Variants in SUPT3H observed in about 807,000 individuals in gnomAD.
The protein encoded by SUPT3H is SPT3 homolog, SAGA and STAGA complex component.
A neutral mutation model predicts 44.3 loss-of-function variants in SUPT3H; 44 were observed. The ratio of observed to expected loss-of-function variants is 0.99; its 90% CI spans 0.78 to 1.28. The LOEUF (loss-of-function observed/expected upper bound fraction) is 1.28, where lower values mean the gene tolerates loss of function less well. Ranked by LOEUF, SUPT3H falls within the 50% of genes most tolerant of loss-of-function variation. The pLI is 0.00. For synonymous variants in SUPT3H, 124 were observed against 125.6 expected (o/e 0.99, Z 0.09); for missense variants, 380 against 387.1 (o/e 0.98, Z 0.15).
intron 3 of SUPT3H, among the ~76,000 whole-genome samples, chr6:45,073,905 T>C (rs1227774955): frequency 6.6e-6 from 1 of 151,988 alleles, no homozygotes; most frequent in Non-Finnish European, 1.5e-5. Flanking sequence ...TGAGTATTTC[T>C]ATGGAAGAGA....
intron 10 of SUPT3H, among the ~76,000 whole-genome samples, chr6:44,853,979 A>T (rs760133383): frequency 1.4e-3 from 198 of 138,888 alleles, no homozygotes; most frequent in Non-Finnish European, 2.4e-3. Context: ...GCCTTTAGCT[A>T]AAAAAAAAAA....
At chr6:45,216,007 A>G (rs1275158465) in intron 2 of SUPT3H, among the ~76,000 whole-genome samples, 1 of 152,162 alleles carries the variant, frequency 6.6e-6, no homozygotes, top group African/African-American at 2.4e-5. Context: ...CAGAGAGACT[A>G]AGATGATACA....
chr6:45,318,848 CATTT>C (rs1394185751), intron 2 of SUPT3H, among the ~76,000 whole-genome samples: 1 of 151,882 alleles, frequency 6.6e-6, no homozygotes, highest in African/African-American at 2.4e-5. Flanking sequence ...CTATATTAAC[CATTT>C]ATTATTAGTC....
intron 2 of SUPT3H, among the ~76,000 whole-genome samples, chr6:45,147,099 A>AC (rs1445466159): frequency 3.9e-5 from 6 of 152,132 alleles, no homozygotes; most frequent in African/African-American, 1.4e-4. Context: ...TTTACCAGGT[A>AC]AAGAAACTGA....
intron 9 of SUPT3H, among the ~76,000 whole-genome samples, chr6:44,937,521 A>G (rs994193488): frequency 6.6e-6 from 1 of 151,884 alleles, no homozygotes; most frequent in Non-Finnish European, 1.5e-5. Flanking sequence ...TGTTTTCAAT[A>G]GAAGTTGTAC....
At chr6:45,288,597 GTGTATATATATATATGTA>G (rs1779762411) in intron 2 of SUPT3H, among the ~76,000 whole-genome samples, 491 of 31,278 alleles carry the variant, frequency 0.016, 5 homozygotes, top group African/African-American at 0.039. Flanking sequence ...ATATATATAT[GTGTATATATATATATGTA>G]TATATATATA....
At chr6:45,324,858 A>G (rs1019887250) in intron 2 of SUPT3H, among the ~76,000 whole-genome samples, 4 of 152,034 alleles carry the variant, frequency 2.6e-5, no homozygotes, top group South Asian at 2.1e-4. Flanking sequence ...TACATACGCA[A>G]TAAGACAAAT....
At chr6:44,838,275 A>G (rs1483834708) in intron 10 of SUPT3H, among the ~76,000 whole-genome samples, 1 of 152,240 alleles carries the variant, frequency 6.6e-6, no homozygotes, top group Non-Finnish European at 1.5e-5. Context: ...AAAAACACAG[A>G]GTACAAGGTA....
chr6:44,935,196 T>A (rs534983494), intron 9 of SUPT3H, among the ~76,000 whole-genome samples: 1 of 152,096 alleles, frequency 6.6e-6, no homozygotes, highest in South Asian at 2.1e-4. Flanking sequence ...ACAAATATCT[T>A]CACATTCTCT....
chr6:45,204,118 A>G (rs1361902866), intron 2 of SUPT3H, among the ~76,000 whole-genome samples: 4 of 151,846 alleles, frequency 2.6e-5, no homozygotes, highest in Non-Finnish European at 5.9e-5. Flanking sequence ...GTGGTGGTGC[A>G]TGCCTATAGT....
At chr6:45,353,779 A>AT (rs905912159) in intron 2 of SUPT3H, among the ~76,000 whole-genome samples, 28 of 148,480 alleles carry the variant, frequency 1.9e-4, no homozygotes, top group East Asian at 7.9e-4. Flanking sequence ...ATGAAAACTC[A>AT]TTTTTTTTTT....
At chr6:44,840,229 A>G (rs1339834134) in intron 10 of SUPT3H, among the ~76,000 whole-genome samples, 1 of 152,216 alleles carries the variant, frequency 6.6e-6, no homozygotes, top group African/African-American at 2.4e-5. Flanking sequence ...TATAGCCTCA[A>G]TGTATAATCT....
intron 6 of SUPT3H, among the ~76,000 whole-genome samples, chr6:44,967,561 T>C (rs1202631624): frequency 6.6e-6 from 1 of 152,238 alleles, no homozygotes; most frequent in Non-Finnish European, 1.5e-5. Context: ...TTGCCCTGTC[T>C]ATACCACTTT....
At chr6:45,175,438 TG>T (rs1297306491) in intron 2 of SUPT3H, among the ~76,000 whole-genome samples, 1 of 152,132 alleles carries the variant, frequency 6.6e-6, no homozygotes, top group Non-Finnish European at 1.5e-5. Context: ...GAGAACAGCA[TG>T]GGGGAAACTG....
chr6:45,311,070 T>C (rs1449744667), intron 2 of SUPT3H, among the ~76,000 whole-genome samples: 2 of 152,170 alleles, frequency 1.3e-5, no homozygotes, highest in African/African-American at 4.8e-5. Flanking sequence ...ACAAAATAGA[T>C]AGCATAAAGA....
intron 2 of SUPT3H, among the ~76,000 whole-genome samples, chr6:45,354,558 T>A (rs1021270009): frequency 9.2e-5 from 14 of 152,062 alleles, no homozygotes; most frequent in African/African-American, 3.4e-4. Flanking sequence ...TTTCCTTGGA[T>A]AATAAGGGGC....
chr6:44,961,785 G>A lies in SUPT3H; in HGVS notation c.548C>T (p.Ala183Val). The A allele has an allele frequency of 6.2e-7, 1 of 1,605,310 alleles. No individual in the cohort carries two copies. The highest frequency in any genetic ancestry group is 8.5e-7 in the Non-Finnish European group (1 of 1,177,780). ...TAATTGTCGACTTTCACAGAATTCT[G>A]CATATTGAGCTGAATCCATAATTCG... ...QTRIMDSAQY[A>V]EFCESRQLSF... Residue 183 changes from alanine (A) to valine (V), a missense_variant, in exon 7 of 11, where the codon GCA becomes GTA. Coordinates refer to ENST00000371459, the MANE Select transcript of SUPT3H (RefSeq NM_003599.4).
At position 44,901,427 on chromosome 6, in the gene SUPT3H, T is replaced by C. The variant is rs1765029216; in HGVS notation, c.912+31226A>G. 2.6e-5 allele frequency among the ~76,000 whole-genome samples: 4 copies of C among 152,060 alleles called. No homozygotes were observed. The South Asian group carries it at 8.3e-4, about 32-fold the overall frequency. Reference sequence around the variant, plus strand: ...CGACTGGAAGAAAGGGTATCAGTGATGGAAGATCAAATGAATGAAATGAAG... The same window carrying C: ...CGACTGGAAGAAAGGGTATCAGTGACGGAAGATCAAATGAATGAAATGAAG... On this transcript the variant is annotated intron_variant, in intron 10 of 10. Transcript: ENST00000371459.
At chr6:45,178,558 A>G (rs905151673) in intron 2 of SUPT3H, among the ~76,000 whole-genome samples, 3 of 151,954 alleles carry the variant, frequency 2.0e-5, no homozygotes, top group African/African-American at 7.3e-5. Flanking sequence ...CTCTGCACCA[A>G]GCGGACCTAA....
Sources: allele counts gnomAD v4.1 joint callset (sites outside exome capture counted in the v4.1 genomes callset), GRCh38; gene constraint gnomAD v4.1.1; transcripts MANE v1.5; gene names NCBI Gene and HGNC (gene_info 2026-07-23, HGNC 2026-07-21).